Variants in SLC35A1 observed in about 807,000 individuals in gnomAD.
The protein encoded by SLC35A1 is CMP-sialic acid transporter.
Under a neutral mutation model 40.3 loss-of-function variants are expected in SLC35A1, and 21 were observed. The observed-to-expected ratio is 0.52, with a 90% CI of 0.37 to 0.75. The LOEUF is 0.75. Ranked by LOEUF, SLC35A1 falls within the 30% of genes least tolerant of loss-of-function variation. The probability of loss-of-function intolerance (pLI) is 0.00; values close to 1 mark genes in which losing one functional copy is unlikely to be tolerated. For synonymous variants in SLC35A1, 146 were observed against 147.3 expected (o/e 0.99, Z 0.06); for missense variants, 297 against 382.1 (o/e 0.78, Z 1.86).
At chr6:87,476,023 T>C (rs1295987087) in intron 1 of SLC35A1, among the ~76,000 whole-genome samples, 1 of 152,188 alleles carries the variant, frequency 6.6e-6, no homozygotes, top group Non-Finnish European at 1.5e-5. Flanking sequence ...CCTTGGGTGA[T>C]GGCAGTACCC....
chr6:87,506,125 A>ACT (rs1244075240), intron 4 of SLC35A1, among the ~76,000 whole-genome samples: 1 of 152,222 alleles, frequency 6.6e-6, no homozygotes, highest in Non-Finnish European at 1.5e-5. Flanking sequence ...TGGTATTAGG[A>ACT]AACAGTGGGC....
chr6:87,486,953 G>A (rs1043523874), intron 2 of SLC35A1, among the ~76,000 whole-genome samples: 1 of 152,210 alleles, frequency 6.6e-6, no homozygotes, highest in African/African-American at 2.4e-5. Context: ...GAGGCAGGTG[G>A]ATCACTTGAG....
chr6:87,490,797 T>A (rs1473415807), intron 2 of SLC35A1, among the ~76,000 whole-genome samples: 2 of 152,222 alleles, frequency 1.3e-5, no homozygotes, highest in Non-Finnish European at 2.9e-5. Flanking sequence ...TTTGGGACTT[T>A]GAAAAGTATT....
At chr6:87,496,920 C>T (rs1050928833) in intron 2 of SLC35A1, among the ~76,000 whole-genome samples, 2 of 151,644 alleles carry the variant, frequency 1.3e-5, no homozygotes, top group Admixed American at 6.6e-5. Context: ...TAAAACAAAA[C>T]GATGATTACT....
intron 5 of SLC35A1, among the ~76,000 whole-genome samples, chr6:87,507,741 G>T (rs1168986157): frequency 6.7e-6 from 1 of 149,528 alleles, no homozygotes; most frequent in African/African-American, 2.4e-5. Flanking sequence ...AGAGATAGGG[G>T]ACTTTTGTTG....
chr6:87,510,791 G>C (rs1447696690), intron 7 of SLC35A1, among the ~76,000 whole-genome samples: 1 of 151,604 alleles, frequency 6.6e-6, no homozygotes, highest in Non-Finnish European at 1.5e-5. Flanking sequence ...GAATTGCTTG[G>C]ACCTGGGAGG....
At chr6:87,501,454 T>C in intron 4 of SLC35A1, 144 bp downstream of exon 4, 1 of 788,952 alleles carries the variant, frequency 1.3e-6, no homozygotes, top group Non-Finnish European at 2.1e-6. Context: ...GCCTTTTTTC[T>C]TTAGCATATT....
intron 2 of SLC35A1, among the ~76,000 whole-genome samples, chr6:87,498,000 A>G (rs1425650792): frequency 6.6e-6 from 1 of 151,594 alleles, no homozygotes; most frequent in East Asian, 1.9e-4. Flanking sequence ...AGTAGCTGGG[A>G]TACAGGTGTG....
At chr6:87,478,962 C>T (rs1006266457) in intron 2 of SLC35A1, among the ~76,000 whole-genome samples, 1 of 152,090 alleles carries the variant, frequency 6.6e-6, no homozygotes, top group African/African-American at 2.4e-5. Context: ...TTAGACTGCA[C>T]AGGCTAAACT....
At chr6:87,499,906 A>T (rs1769866321) in intron 2 of SLC35A1, among the ~76,000 whole-genome samples, 1 of 152,182 alleles carries the variant, frequency 6.6e-6, no homozygotes, top group Non-Finnish European at 1.5e-5. Flanking sequence ...ACTTGAGGTC[A>T]GGAGTTTGAA....
At chr6:87,504,984 T>G (rs1428561022) in intron 4 of SLC35A1, among the ~76,000 whole-genome samples, 1 of 152,348 alleles carries the variant, frequency 6.6e-6, no homozygotes, top group Non-Finnish European at 1.5e-5. Flanking sequence ...AACTGGAAGG[T>G]TGGTTGAAAC....
intron 2 of SLC35A1, among the ~76,000 whole-genome samples, chr6:87,492,115 TA>T (rs1405853183): frequency 6.6e-6 from 1 of 152,204 alleles, no homozygotes; most frequent in Non-Finnish European, 1.5e-5. Flanking sequence ...GCATGTTTCC[TA>T]AAAACAAGGA....
chr6:87,501,324 T>C lies in SLC35A1; in HGVS notation c.507+14T>C, dbSNP rs775092427. ...ACAAAAGTGGTGGTAAGAAACAAAA[T>C]GCACACCATAACTTCCCATAAATAG... On this transcript the variant is annotated intron_variant, in intron 4 of 7. Coordinates refer to ENST00000369552, the MANE Select transcript of SLC35A1 (RefSeq NM_006416.5). 7.4e-6 allele frequency: 12 copies of C among 1,611,542 alleles called. No homozygotes were observed. The highest frequency in any genetic ancestry group is 2.5e-6 in the Non-Finnish European group (3 of 1,178,480).
intron 4 of SLC35A1, among the ~76,000 whole-genome samples, chr6:87,504,531 G>A (rs1256544944): frequency 1.3e-5 from 2 of 152,024 alleles, no homozygotes; most frequent in African/African-American, 2.4e-5. Context: ...TCTCTTGAAT[G>A]TTCTTCTCAC....
chr6:87,490,368 C>T (rs183753732), intron 2 of SLC35A1, among the ~76,000 whole-genome samples: 186 of 134,396 alleles, frequency 1.4e-3, no homozygotes, highest in African/African-American at 4.4e-3. Context: ...GAGTTTTGCT[C>T]TGTTACCCAG....
chr6:87,482,813 G>T (rs182772494), intron 2 of SLC35A1, among the ~76,000 whole-genome samples: 109 of 150,534 alleles, frequency 7.2e-4, no homozygotes, highest in Admixed American at 2.2e-3. Flanking sequence ...TTTTGAGTTA[G>T]TAAGTTACCT....
chr6:87,498,802 G>A (rs573862098), intron 2 of SLC35A1, among the ~76,000 whole-genome samples: 90 of 152,032 alleles, frequency 5.9e-4, no homozygotes, highest in Non-Finnish European at 1.1e-3. Flanking sequence ...AAAGATGTAA[G>A]GAAAGTATAT....
intron 4 of SLC35A1, among the ~76,000 whole-genome samples, chr6:87,503,026 A>G (rs747555585): frequency 1.2e-4 from 19 of 152,176 alleles, no homozygotes; most frequent in Non-Finnish European, 2.1e-4. Context: ...GTTCTTACCC[A>G]TTATTAGCTT....
At chr6:87,478,781 G>A (rs773828159) in intron 2 of SLC35A1, among the ~76,000 whole-genome samples, 9 of 152,150 alleles carry the variant, frequency 5.9e-5, no homozygotes, top group South Asian at 4.1e-4. Context: ...AACAGCACTC[G>A]AATACAAAAT....
Sources: allele counts gnomAD v4.1 joint callset (sites outside exome capture counted in the v4.1 genomes callset), GRCh38; gene constraint gnomAD v4.1.1; transcripts MANE v1.5; gene names NCBI Gene and HGNC (gene_info 2026-07-23, HGNC 2026-07-21).